Variants in MCTP1 observed in about 807,000 individuals in gnomAD.
MCTP1 encodes multiple C2 and transmembrane domain containing 1.
MCTP1 carries 69 observed loss-of-function variants against 120.6 expected under a neutral mutation model. The observed-to-expected ratio is 0.57, with a 90% CI of 0.47 to 0.70. The LOEUF is 0.70. Ranked by LOEUF, MCTP1 falls within the 30% of genes least tolerant of loss-of-function variation. MCTP1 has a pLI of 0.00. For missense variants in MCTP1, 1,203 were observed against 1,248.8 expected (o/e 0.96, Z 0.55); for synonymous variants, 529 against 493.1 (o/e 1.07, Z -0.96).
At chr5:94,903,755 CT>C (rs1397980939) in intron 10 of MCTP1, among the ~76,000 whole-genome samples, 1 of 152,190 alleles carries the variant, frequency 6.6e-6, no homozygotes, top group Non-Finnish European at 1.5e-5. Context: ...ATCAACGCCA[CT>C]TTAAAGATAA....
intron 1 of MCTP1, among the ~76,000 whole-genome samples, chr5:95,114,263 T>G (rs1757658106): frequency 6.6e-6 from 1 of 152,190 alleles, no homozygotes; most frequent in African/African-American, 2.4e-5. Flanking sequence ...GAAAGAAAAG[T>G]AAAGAGCACT....
At chr5:94,943,577 G>A (rs1334464740) in intron 3 of MCTP1, among the ~76,000 whole-genome samples, 1 of 152,068 alleles carries the variant, frequency 6.6e-6, no homozygotes, top group Non-Finnish European at 1.5e-5. Flanking sequence ...TTATGTGCCA[G>A]GCAATATGCT....
intron 2 of MCTP1, among the ~76,000 whole-genome samples, chr5:94,985,585 T>C (rs978952523): frequency 1.3e-5 from 2 of 152,192 alleles, no homozygotes; most frequent in Admixed American, 6.6e-5. Context: ...TCCTACTCTC[T>C]AATTTTTCAA....
At chr5:95,003,692 A>G (rs1274489027) in intron 2 of MCTP1, among the ~76,000 whole-genome samples, 1 of 152,194 alleles carries the variant, frequency 6.6e-6, no homozygotes, top group East Asian at 1.9e-4. Flanking sequence ...ACCTTCTGCC[A>G]TGACTGTGAG....
At chr5:94,927,618 T>C (rs2153473037) in intron 6 of MCTP1, among the ~76,000 whole-genome samples, 1 of 152,316 alleles carries the variant, frequency 6.6e-6, no homozygotes, top group East Asian at 1.9e-4. Context: ...AACTTGATAG[T>C]TGCTAAATAA....
chr5:94,914,184 T>C (rs1809492113), intron 8 of MCTP1, among the ~76,000 whole-genome samples: 1 of 152,232 alleles, frequency 6.6e-6, no homozygotes, highest in Non-Finnish European at 1.5e-5. Flanking sequence ...ACTGTAAAAA[T>C]AGTTTCTTTC....
intron 1 of MCTP1, among the ~76,000 whole-genome samples, chr5:95,116,230 G>A (rs1330165951): frequency 6.6e-6 from 1 of 152,094 alleles, no homozygotes. Flanking sequence ...AAACTCATTG[G>A]TAATAGTAAG....
intron 1 of MCTP1, among the ~76,000 whole-genome samples, chr5:95,100,053 C>T (rs1404209211): frequency 4.7e-5 from 7 of 149,024 alleles, no homozygotes; most frequent in Admixed American, 3.4e-4. Context: ...TATTCTCACT[C>T]ATAGGTGGGA....
At chr5:94,741,184 ACT>A (rs974396674) in intron 19 of MCTP1, among the ~76,000 whole-genome samples, 4 of 152,146 alleles carry the variant, frequency 2.6e-5, no homozygotes, top group Non-Finnish European at 5.9e-5. Flanking sequence ...CTTATTTATA[ACT>A]CTGTTGTCAA....
At chr5:95,095,259 G>A (rs968535126) in intron 1 of MCTP1, among the ~76,000 whole-genome samples, 1 of 151,696 alleles carries the variant, frequency 6.6e-6, no homozygotes, top group South Asian at 2.1e-4. Flanking sequence ...TCCTGACCTC[G>A]TGATCCACCC....
chr5:95,186,073 G>T (rs1749173100), intron 1 of MCTP1, among the ~76,000 whole-genome samples: 1 of 151,924 alleles, frequency 6.6e-6, no homozygotes. Flanking sequence ...CTCCAGCCTG[G>T]GTGATGGAGC....
chr5:94,735,176 G>A (rs932493485), intron 19 of MCTP1, among the ~76,000 whole-genome samples: 2 of 152,180 alleles, frequency 1.3e-5, no homozygotes, highest in African/African-American at 4.8e-5. Context: ...AGGAGGACAC[G>A]GAGTTACCCA....
intron 1 of MCTP1, among the ~76,000 whole-genome samples, chr5:95,025,305 T>C (rs898741410): frequency 6.6e-6 from 1 of 152,124 alleles, no homozygotes. Flanking sequence ...GTGTCAAGAA[T>C]ACACAATGGG....
intron 2 of MCTP1, among the ~76,000 whole-genome samples, chr5:94,978,748 C>T (rs1413637205): frequency 1.3e-5 from 2 of 152,058 alleles, no homozygotes; most frequent in African/African-American, 2.4e-5. Flanking sequence ...GTCTCAATTA[C>T]ACAAGATGAA....
chr5:94,858,056 T>C (rs950049422), intron 17 of MCTP1, among the ~76,000 whole-genome samples: 21 of 151,744 alleles, frequency 1.4e-4, no homozygotes, highest in African/African-American at 4.8e-4. Context: ...TTTAGTCTAA[T>C]GAAAATTTAG....
intron 1 of MCTP1, among the ~76,000 whole-genome samples, chr5:95,104,255 C>T (rs1018841396): frequency 6.6e-6 from 1 of 152,104 alleles, no homozygotes; most frequent in African/African-American, 2.4e-5. Flanking sequence ...GCTGTCTAAA[C>T]GCAGTTAACA....
intron 1 of MCTP1, among the ~76,000 whole-genome samples, chr5:95,249,131 G>A (rs1757121839): frequency 6.6e-6 from 1 of 152,096 alleles, no homozygotes; most frequent in South Asian, 2.1e-4. Flanking sequence ...AATACCAAAA[G>A]CAATGGCAAC....
rs534910966 is a variant in MCTP1 at position 95,122,411 on chromosome 5, T to C, written c.721-104927A>G. Among the ~76,000 whole-genome samples the C allele has an allele frequency of 1.4e-4, 21 of 152,246 alleles. No homozygotes were observed. The South Asian group carries it at 1.4e-3, about 11-fold the overall frequency. On this transcript the variant is annotated intron_variant, in intron 1 of 22. Transcript: ENST00000515393. ...GTATATGAAATGGTGCTCAACATCA[T>C]TGATCATCAGAAAAATGCAAATCAA...
intron 1 of MCTP1, among the ~76,000 whole-genome samples, chr5:95,186,130 G>T (rs1013537191): frequency 6.6e-6 from 1 of 151,386 alleles, no homozygotes; most frequent in East Asian, 1.9e-4. Flanking sequence ...AAAATAAAAC[G>T]TTCAGTTCTA....
Sources: gnomAD v4.1 joint callset for allele counts (sites outside exome capture counted in the v4.1 genomes callset) on GRCh38, gnomAD v4.1.1 for gene constraint, MANE v1.5 for transcripts, NCBI Gene and HGNC (gene_info 2026-07-23, HGNC 2026-07-21) for gene names.